FCHSD2: variants seen among roughly 807,000 people sequenced by gnomAD.
The protein encoded by FCHSD2 is F-BAR and double SH3 domains protein 2.
Under a neutral mutation model 108.1 loss-of-function variants are expected in FCHSD2, and 38 were observed. That is an observed-to-expected ratio of 0.35 (90% CI 0.27 to 0.46). The LOEUF is 0.46. FCHSD2 is among the 20% of genes least tolerant of loss of function. The pLI, the probability that FCHSD2 is intolerant of heterozygous loss-of-function variation, is 1.00. For missense variants in FCHSD2, 751 were observed against 897.8 expected, an observed-to-expected ratio of 0.84 and a Z score of 2.09; for synonymous variants, 279 against 314.7, an observed-to-expected ratio of 0.89 and a Z score of 1.20.
rs116591754 is a variant in FCHSD2 at position 72,840,521 on chromosome 11, A to G, written c.2139+356T>C. On this transcript the variant is annotated intron_variant, in intron 19 of 19. Coordinates refer to ENST00000409418, the MANE Select transcript of FCHSD2 (RefSeq NM_014824.3). ...AGTTAGCTTATTATTTCATCTTGGT[A>G]TTCCTCAAAGAGGCAAATAGAGGCC... Among the ~76,000 whole-genome samples, 1,445 of 152,302 alleles carry G rather than the reference A, an allele frequency of 9.5e-3. 24 individuals are homozygous for G. Among genetic ancestry groups the G allele is most frequent in the African/African-American group, 0.032 (1,320 of 41,556 alleles).
chr11:72,992,454 A>G (rs1259491742), intron 5 of FCHSD2, among the ~76,000 whole-genome samples: 1 of 152,234 alleles, frequency 6.6e-6, no homozygotes, highest in East Asian at 1.9e-4. Flanking sequence ...TGCCAAGTCA[A>G]TCCTAAGCCA....
intron 6 of FCHSD2, 34 bp downstream of exon 6, chr11:72,988,927 TGCA>T: frequency 6.4e-7 from 1 of 1,556,028 alleles, no homozygotes; most frequent in Non-Finnish European, 8.8e-7. Context: ...AACATTTATT[TGCA>T]TAATAATTTT....
chr11:72,877,808 C>A (rs1202546680), intron 12 of FCHSD2, among the ~76,000 whole-genome samples: 3 of 151,876 alleles, frequency 2.0e-5, no homozygotes, highest in Non-Finnish European at 4.4e-5. Flanking sequence ...GAGCTCAAGA[C>A]CAGCCTGAGA....
chr11:72,954,039 G>C (rs542392276), intron 8 of FCHSD2, among the ~76,000 whole-genome samples: 1 of 152,184 alleles, frequency 6.6e-6, no homozygotes, highest in South Asian at 2.1e-4. Flanking sequence ...GACATAATCT[G>C]ACTTAGGTTA....
chr11:73,110,162 G>C (rs1183155866), intron 2 of FCHSD2, among the ~76,000 whole-genome samples: 1 of 147,594 alleles, frequency 6.8e-6, no homozygotes, highest in Admixed American at 6.7e-5. Context: ...TTTTTTTTTT[G>C]ATGTGTCTTT....
intron 4 of FCHSD2, among the ~76,000 whole-genome samples, chr11:73,004,026 C>T (rs2135420926): frequency 6.9e-6 from 1 of 145,658 alleles, no homozygotes; most frequent in African/African-American, 2.5e-5. Context: ...AGGAGACTCG[C>T]TTGAACTGGA....
intron 2 of FCHSD2, among the ~76,000 whole-genome samples, chr11:73,097,550 T>C (rs534984287): frequency 6.6e-6 from 1 of 151,330 alleles, no homozygotes; most frequent in African/African-American, 2.4e-5. Context: ...TGTTAATTCA[T>C]CATTAACTGT....
At chr11:73,126,619 A>C (rs891977422) in intron 2 of FCHSD2, among the ~76,000 whole-genome samples, 2 of 145,728 alleles carry the variant, frequency 1.4e-5, no homozygotes, top group South Asian at 4.1e-4. Context: ...ATATCTGTTA[A>C]ATATCTGTTA....
intron 8 of FCHSD2, among the ~76,000 whole-genome samples, chr11:72,962,766 A>C (rs1856840936): frequency 6.6e-6 from 1 of 152,222 alleles, no homozygotes; most frequent in Non-Finnish European, 1.5e-5. Flanking sequence ...AATAAAAAAA[A>C]AAATCACACC....
At chr11:73,036,856 T>C (rs753605717) in intron 3 of FCHSD2, among the ~76,000 whole-genome samples, 4 of 152,222 alleles carry the variant, frequency 2.6e-5, no homozygotes, top group Non-Finnish European at 4.4e-5. Context: ...TACAATTTTC[T>C]GTAATACACA....
intron 8 of FCHSD2, among the ~76,000 whole-genome samples, chr11:72,960,065 A>T (rs1002556592): frequency 2.0e-5 from 3 of 152,208 alleles, no homozygotes; most frequent in Non-Finnish European, 4.4e-5. Context: ...TGGGTAGTCT[A>T]TAAAGAAAAA....
intron 14 of FCHSD2, among the ~76,000 whole-genome samples, chr11:72,848,762 ATCTC>A (rs1400224955): frequency 3.3e-5 from 5 of 152,188 alleles, no homozygotes; most frequent in African/African-American, 1.2e-4. Context: ...ACACTTAGGA[ATCTC>A]TCTATTTAAG....
At chr11:72,848,051 TG>T (rs1861193581) in intron 14 of FCHSD2, among the ~76,000 whole-genome samples, 2 of 152,196 alleles carry the variant, frequency 1.3e-5, no homozygotes, top group African/African-American at 4.8e-5. Context: ...GCCTCCTTTT[TG>T]GTCTGGACTA....
In FCHSD2 at chr11:73,063,694, C is replaced by T. The variant is rs149707276; in HGVS notation, c.165+20001G>A. On this transcript the variant is annotated intron_variant, in intron 3 of 19. Coordinates refer to ENST00000409418, the MANE Select transcript of FCHSD2 (RefSeq NM_014824.3). Reference sequence around the variant, plus strand: ...AACAAAGATTGAAAGAGACAAAGAACGGTATTACATATTGGTAAAGTGATC... The same window carrying T: ...AACAAAGATTGAAAGAGACAAAGAATGGTATTACATATTGGTAAAGTGATC... Among the ~76,000 whole-genome samples the T allele has an allele frequency of 2.9e-3, 439 of 152,076 alleles. 1 individual carries two copies. The highest frequency in any genetic ancestry group is 4.5e-3 in the Non-Finnish European group (308 of 67,964).
At chr11:72,846,895 CTT>C (rs1457286550) in intron 14 of FCHSD2, among the ~76,000 whole-genome samples, 4 of 151,914 alleles carry the variant, frequency 2.6e-5, no homozygotes, top group Non-Finnish European at 5.9e-5. Flanking sequence ...TAGAAAAACT[CTT>C]GATGAAAATT....
intron 14 of FCHSD2, chr11:72,843,785 T>C (rs983282347): frequency 2.1e-4 from 93 of 433,484 alleles, no homozygotes; most frequent in Middle Eastern, 6.1e-4. Flanking sequence ...GAACAGAACA[T>C]GTAAGCCTGG....
At chr11:73,135,884 G>A (rs973873551) in intron 2 of FCHSD2, among the ~76,000 whole-genome samples, 2 of 152,158 alleles carry the variant, frequency 1.3e-5, no homozygotes, top group African/African-American at 4.8e-5. Context: ...GGGGTGCGTT[G>A]CAGCAGTAGT....
At chr11:73,069,169 G>T (rs369620863) in intron 3 of FCHSD2, among the ~76,000 whole-genome samples, 19 of 151,976 alleles carry the variant, frequency 1.3e-4, no homozygotes, top group African/African-American at 4.3e-4. Context: ...AAATTAGCCA[G>T]GCGTGGTGGC....
chr11:72,956,659 T>C (rs1856716810), intron 8 of FCHSD2, among the ~76,000 whole-genome samples: 1 of 152,206 alleles, frequency 6.6e-6, no homozygotes, highest in South Asian at 2.1e-4. Flanking sequence ...AAGAGGTCTC[T>C]CTGGGACTTC....
Sources: allele counts gnomAD v4.1 joint callset (sites outside exome capture counted in the v4.1 genomes callset), GRCh38; gene constraint gnomAD v4.1.1; transcripts MANE v1.5; gene names NCBI Gene and HGNC (gene_info 2026-07-23, HGNC 2026-07-21).